Variants in QTRT2 observed in about 807,000 individuals in gnomAD.
QTRT2 encodes queuine tRNA-ribosyltransferase accessory subunit 2.
In QTRT2, 32 loss-of-function variants were observed where a neutral mutation model predicts 44.8. That is an observed-to-expected ratio of 0.71 (90% CI 0.54 to 0.96). The LOEUF (loss-of-function observed/expected upper bound fraction) is 0.96, where lower values mean the gene tolerates loss of function less well. Ranked by LOEUF, QTRT2 falls within the 40% of genes least tolerant of loss-of-function variation. The probability of loss-of-function intolerance (pLI) is 0.00; values close to 1 mark genes in which losing one functional copy is unlikely to be tolerated. For synonymous variants in QTRT2, 182 were observed against 187.4 expected, an observed-to-expected ratio of 0.97 and a Z score of 0.24; for missense variants, 461 against 503.1, an observed-to-expected ratio of 0.92 and a Z score of 0.80.
At chr3:114,062,720 T>C (rs930602141) in intron 2 of QTRT2, among the ~76,000 whole-genome samples, 11 of 152,314 alleles carry the variant, frequency 7.2e-5, no homozygotes, top group African/African-American at 2.6e-4. Context: ...TGTCAGTCAT[T>C]TGTGTCATTT....
chr3:114,076,665 G>A (rs2077094727), intron 6 of QTRT2, 78 bp from the exon 7 acceptor site: 1 of 1,369,000 alleles, frequency 7.3e-7, no homozygotes, highest in Non-Finnish European at 1.0e-6. Flanking sequence ...TCTATACATT[G>A]GACTTCCATG....
At position 114,074,550 on chromosome 3, in the gene QTRT2, G is replaced by A. The variant is rs534564370; in HGVS notation, c.547-2193G>A. The stretch of plus-strand genomic sequence containing the variant: ...TTGTCTGCTATTCCATTCTTTAATC[G>A]TACTCACCCTTAATTTATTTTTCAC... On this transcript the variant is annotated intron_variant, in intron 6 of 9. Transcript: ENST00000281273. Among the ~76,000 whole-genome samples, 25 of 152,018 alleles carry A rather than the reference G, an allele frequency of 1.6e-4. No homozygotes were observed. In the South Asian group the frequency reaches 5.2e-3, roughly 32 times the overall value.
At chr3:114,057,215 T>A in intron 2 of QTRT2, 109 bp downstream of exon 2, 3 of 341,110 alleles carry the variant, frequency 8.8e-6, no homozygotes, top group East Asian at 7.7e-5. Flanking sequence ...AGATGGCCCA[T>A]GGAGCAAAGA....
rs1243697029 is a variant in QTRT2, at chr3:114,056,874, C to T, written c.-130+10C>T. On this transcript the variant is annotated intron_variant, in intron 1 of 9. Transcript: ENST00000281273. ...AATGGTTTGTTGGCAGGTAAGTGCC[C>T]CTTTGCCCTGCTGGTGTGGGAGCTG... 16 of 1,535,658 alleles carry T rather than the reference C, an allele frequency of 1.0e-5. No homozygotes were observed. Among genetic ancestry groups the T allele is most frequent in the Non-Finnish European group, 1.4e-5 (16 of 1,146,708 alleles).
intron 2 of QTRT2, among the ~76,000 whole-genome samples, chr3:114,059,619 A>ATTT (rs2076856179): frequency 6.6e-6 from 1 of 152,144 alleles, no homozygotes; most frequent in African/African-American, 2.4e-5. Flanking sequence ...CATTTTTTTA[A>ATTT]AAAAAATATT....
Position 114,085,779 on chromosome 3 carries a change from G to C in QTRT2, c.1123G>C (p.Ala375Pro). The change falls in exon 10 of 10, where the codon GCC becomes CCC. Residue 375 changes from alanine to proline, a missense_variant. Transcript: ENST00000281273. The part of the protein sequence containing the change: ...HHLLVTNELL[A>P]GVLLMMHNFE... ...TCTGCTGGTGACCAATGAGCTGCTGGCCGGAGTCCTGCTTATGATGCACAA... is the reference window on the plus strand; with the variant it reads ...TCTGCTGGTGACCAATGAGCTGCTGCCCGGAGTCCTGCTTATGATGCACAA... 1 of 1,614,164 alleles carries C rather than the reference G, an allele frequency of 6.2e-7. No individual in the cohort carries two copies. Among genetic ancestry groups the C allele is most frequent in the East Asian group, 2.2e-5 (1 of 44,892 alleles).
In QTRT2 at chr3:114,087,934, G is replaced by C. The variant is rs1397538829; in HGVS notation, c.*2030G>C. ...ACATTTCAACTTGAGGTTTGGGCGGGAACAAATAGTCAAATTATATTACCC... is the reference window on the plus strand; with the variant it reads ...ACATTTCAACTTGAGGTTTGGGCGGCAACAAATAGTCAAATTATATTACCC... On this transcript the variant is annotated 3_prime_UTR_variant, in exon 10 of 10. Transcript: ENST00000281273. The C allele has an allele frequency of 6.6e-6, 1 of 152,142 alleles. No individual in the cohort carries two copies. The highest frequency in any genetic ancestry group is 1.5e-5 in the Non-Finnish European group (1 of 68,038). The allele number at this position is 152,142 out of a possible 1,614,324, so 9.4% of individuals were successfully genotyped here.
At chr3:114,064,865 A>G (rs1480565790) in intron 2 of QTRT2, among the ~76,000 whole-genome samples, 1 of 152,216 alleles carries the variant, frequency 6.6e-6, no homozygotes, top group Non-Finnish European at 1.5e-5. Context: ...GTATGGCCTA[A>G]GCAGTGTTAC....
chr3:114,060,955 C>A (rs940414877), intron 2 of QTRT2, among the ~76,000 whole-genome samples: 11 of 152,186 alleles, frequency 7.2e-5, no homozygotes, highest in African/African-American at 2.4e-4. Context: ...AGGGATGATT[C>A]ACGTCCTGGG....
In QTRT2 at chr3:114,056,819, G is replaced by C. The variant is rs1180140767; in HGVS notation, c.-175G>C. ...AACACGTGGTAGTGAACTGTGAGGA[G>C]TTTGAGGGGTCTGAAGACTGAAAGA... On this transcript the variant is annotated 5_prime_UTR_variant, in exon 1 of 10. Transcript: ENST00000281273. 6.5e-7 allele frequency: 1 copy of C among 1,534,988 alleles called. No homozygotes were observed. The highest frequency in any genetic ancestry group is 2.0e-5 in the Admixed American group (1 of 50,786).
intron 1 of QTRT2, 44 bp from the exon 2 acceptor site, chr3:114,056,955 C>A: frequency 2.0e-6 from 3 of 1,493,726 alleles, no homozygotes; most frequent in Non-Finnish European, 2.7e-6. Flanking sequence ...GTTGCAGTAA[C>A]GGTGATTGTA....
intron 9 of QTRT2, among the ~76,000 whole-genome samples, chr3:114,083,537 C>G (rs752659615): frequency 4.0e-4 from 61 of 152,058 alleles, no homozygotes; most frequent in Non-Finnish European, 5.7e-4. Flanking sequence ...TTGTATTTGT[C>G]CAAAAGTGGT....
chr3:114,070,927 C>T, intron 6 of QTRT2, 89 bp downstream of exon 6: 6 of 949,746 alleles, frequency 6.3e-6, no homozygotes, highest in Non-Finnish European at 6.5e-6. Flanking sequence ...CTTCCTCCTA[C>T]TGCTGTGCTC....
At chr3:114,067,338 T>C (rs1021442788) in intron 4 of QTRT2, among the ~76,000 whole-genome samples, 7 of 152,256 alleles carry the variant, frequency 4.6e-5, no homozygotes, top group Admixed American at 1.3e-4. Flanking sequence ...TGCTTTTTTT[T>C]CACTGGAATC....
At chr3:114,083,100 A>C (rs991723450) in intron 9 of QTRT2, 1 of 304,814 alleles carries the variant, frequency 3.3e-6, no homozygotes, top group Non-Finnish European at 6.3e-6. Flanking sequence ...GTTCAAGATA[A>C]AACAACAAAG....
chr3:114,068,103 C>G, intron 5 of QTRT2, 40 bp downstream of exon 5: 1 of 1,548,240 alleles, frequency 6.5e-7, no homozygotes, highest in Non-Finnish European at 8.9e-7. Flanking sequence ...CAGCTTTGTC[C>G]CAGGAAGTCA....
intron 8 of QTRT2, among the ~76,000 whole-genome samples, chr3:114,080,476 G>A (rs2077153022): frequency 6.6e-6 from 1 of 152,060 alleles, no homozygotes; most frequent in Admixed American, 6.6e-5. Context: ...TCTGATCCTA[G>A]TGTTACTTCT....
rs753965994 is a variant in QTRT2 at position 114,056,801 on chromosome 3, G to C, written c.-193G>C. The C allele has an allele frequency of 1.0e-5, 16 of 1,530,414 alleles. No homozygotes were observed. The South Asian group carries it at 1.8e-4, about 17-fold the overall frequency. The allele number at this position is 1,530,414 out of a possible 1,614,324, so 94.8% of individuals were successfully genotyped here. On this transcript the variant is annotated 5_prime_UTR_variant, in exon 1 of 10. Transcript: ENST00000281273. ...TGGGGCAGAGAATTTTGCAACACGT[G>C]GTAGTGAACTGTGAGGAGTTTGAGG...
chr3:114,077,179 T>A (rs2077102518), intron 7 of QTRT2: 2 of 526,176 alleles, frequency 3.8e-6, no homozygotes, highest in Admixed American at 6.3e-5. Flanking sequence ...AATTATGTTA[T>A]TTGATCCTCC....
Sources: allele counts gnomAD v4.1 joint callset (sites outside exome capture counted in the v4.1 genomes callset), GRCh38; gene constraint gnomAD v4.1.1; transcripts MANE v1.5; gene names NCBI Gene and HGNC (gene_info 2026-07-23, HGNC 2026-07-21).